Variants in RBPMS observed in about 807,000 individuals in gnomAD.
RBPMS encodes RNA-binding protein with multiple splicing.
RBPMS carries 7 observed loss-of-function variants against 26.8 expected under a neutral mutation model. The ratio of observed to expected loss-of-function variants is 0.26; its 90% CI spans 0.15 to 0.49. The LOEUF (loss-of-function observed/expected upper bound fraction) is 0.49, where lower values mean the gene tolerates loss of function less well. Ranked by LOEUF, RBPMS falls within the 20% of genes least tolerant of loss-of-function variation. The probability of loss-of-function intolerance (pLI) is 0.98; values close to 1 mark genes in which losing one functional copy is unlikely to be tolerated. For missense variants in RBPMS, 186 were observed against 250.0 expected (o/e 0.74, Z 1.73); for synonymous variants, 96 against 93.3 (o/e 1.03, Z -0.17).
At chr8:30,444,353 C>T (rs1168481250) in intron 1 of RBPMS, among the ~76,000 whole-genome samples, 2 of 152,202 alleles carry the variant, frequency 1.3e-5, no homozygotes, top group Non-Finnish European at 2.9e-5. Context: ...AATAGTTTTA[C>T]ATCACTTCAG....
At chr8:30,452,104 G>C (rs1205641670) in intron 1 of RBPMS, among the ~76,000 whole-genome samples, 1 of 152,132 alleles carries the variant, frequency 6.6e-6, no homozygotes, top group South Asian at 2.1e-4. Context: ...GGCTGCATTC[G>C]TGTGTCTGAG....
chr8:30,523,368 C>T (rs1823253927), intron 5 of RBPMS, among the ~76,000 whole-genome samples: 1 of 147,318 alleles, frequency 6.8e-6, no homozygotes, highest in Non-Finnish European at 1.5e-5. Flanking sequence ...GAGAGTGAAA[C>T]TGTGTCTCAA....
intron 4 of RBPMS, among the ~76,000 whole-genome samples, chr8:30,498,035 G>GA (rs1408013824): frequency 2.0e-5 from 3 of 150,264 alleles, no homozygotes; most frequent in Non-Finnish European, 4.4e-5. Flanking sequence ...AGAATCAATT[G>GA]AAGAAGTCTT....
In RBPMS at chr8:30,437,954, G is replaced by A. The variant is rs779091772; in HGVS notation, c.67-36825G>A. 9.0e-4 allele frequency among the ~76,000 whole-genome samples: 137 copies of A among 151,532 alleles called. 1 individual carries two copies. The highest frequency in any genetic ancestry group is 1.3e-3 in the Non-Finnish European group (88 of 67,930). On this transcript the variant is annotated intron_variant, in intron 1 of 8. Transcript: ENST00000397323. ...AGCCTGGGTGACAGAGTGAGACTCC[G>A]TCTCAAAAAAAGAAAAAAAAAAAGT...
intron 1 of RBPMS, among the ~76,000 whole-genome samples, chr8:30,437,167 T>C (rs975156571): frequency 4.0e-5 from 6 of 151,658 alleles, no homozygotes; most frequent in African/African-American, 1.5e-4. Flanking sequence ...ATGATCCGCC[T>C]GCCTCGGCCT....
intron 1 of RBPMS, among the ~76,000 whole-genome samples, chr8:30,415,387 A>C (rs1037074517): frequency 2.6e-5 from 4 of 152,140 alleles, no homozygotes; most frequent in Non-Finnish European, 5.9e-5. Flanking sequence ...TGTCTTCAGG[A>C]GAGCCAGCTA....
intron 4 of RBPMS, among the ~76,000 whole-genome samples, chr8:30,493,379 A>G (rs994623471): frequency 3.1e-4 from 47 of 152,222 alleles, no homozygotes; most frequent in African/African-American, 1.1e-3. Flanking sequence ...CATTATCCTT[A>G]CAGTGAGACA....
rs563475731 is a variant in RBPMS at position 30,425,421 on chromosome 8, A to G, written c.66+40263A>G. 2.6e-4 allele frequency among the ~76,000 whole-genome samples: 40 copies of G among 151,050 alleles called. 1 individual carries two copies. Among genetic ancestry groups the G allele is most frequent in the African/African-American group, 8.7e-4 (36 of 41,156 alleles). ...GTAATTTTAATTTCTTTTTTTTGAA[A>G]TGGAGTTTCGCTCTTGTTGCCCAGG... On this transcript the variant is annotated intron_variant, in intron 1 of 8. Coordinates refer to ENST00000397323, the MANE Select transcript of RBPMS (RefSeq NM_001008710.3).
intron 1 of RBPMS, among the ~76,000 whole-genome samples, chr8:30,435,390 C>T (rs1812345409): frequency 6.6e-6 from 1 of 152,172 alleles, no homozygotes; most frequent in Non-Finnish European, 1.5e-5. Context: ...TCAACCTACA[C>T]TACTTGTGGA....
intron 5 of RBPMS, among the ~76,000 whole-genome samples, chr8:30,532,493 TTTTTA>T (rs1824333053): frequency 6.6e-6 from 1 of 152,178 alleles, no homozygotes; most frequent in Non-Finnish European, 1.5e-5. Flanking sequence ...TAGGTGTTAG[TTTTTA>T]TTTTTATCTG....
At position 30,461,230 on chromosome 8, in the gene RBPMS, T is replaced by A. The variant is rs147205873; in HGVS notation, c.67-13549T>A. Among the ~76,000 whole-genome samples, 11 of 152,296 alleles carry A rather than the reference T, an allele frequency of 7.2e-5. No individual in the cohort carries two copies. In the East Asian group the frequency reaches 2.1e-3, roughly 29 times the overall value. On this transcript the variant is annotated intron_variant, in intron 1 of 8. Transcript: ENST00000397323. ...ACAGGATTATGGCATCATAAAGAAG[T>A]GATTTATATAATCTAAATAGGCCCC...
At chr8:30,386,301 A>T (rs754100689) in intron 1 of RBPMS, among the ~76,000 whole-genome samples, 1 of 152,234 alleles carries the variant, frequency 6.6e-6, no homozygotes, top group Non-Finnish European at 1.5e-5. Context: ...GAATTCATTA[A>T]TACATACAAC....
chr8:30,489,451 CTTTTT>C lies in RBPMS; in HGVS notation c.246+10075_246+10079del, dbSNP rs576604895. Among the ~76,000 whole-genome samples, 201 of 151,678 alleles carry C rather than the reference CTTTTT, an allele frequency of 1.3e-3. 2 individuals are homozygous for C. The highest frequency in any genetic ancestry group is 0.012 in the South Asian group (59 of 4,784). ...GGACTGGTTTTTATTCCTAAAGTCT[CTTTTT>C]CTTTTCTTTTCTTTTTTTCGAGACA... On this transcript the variant is annotated intron_variant, in intron 4 of 8. Transcript: ENST00000397323.
chr8:30,566,599 C>G (rs957629880), intron 8 of RBPMS, among the ~76,000 whole-genome samples: 4 of 152,342 alleles, frequency 2.6e-5, no homozygotes, highest in African/African-American at 9.6e-5. Context: ...TCACCATGTC[C>G]TCCTTAGGTA....
In RBPMS at chr8:30,445,641, T is replaced by C. The variant is rs569660082; in HGVS notation, c.67-29138T>C. On this transcript the variant is annotated intron_variant, in intron 1 of 8. Coordinates refer to ENST00000397323, the MANE Select transcript of RBPMS (RefSeq NM_001008710.3). ...ATGTATACACACACATATGTAGATA[T>C]ACACACGGATATATATATATATATA... Among the ~76,000 whole-genome samples, 92 of 107,278 alleles carry C rather than the reference T, an allele frequency of 8.6e-4. 1 individual carries two copies. The East Asian group carries it at 0.022, about 25-fold the overall frequency. The allele number at this position is 107,278 out of a possible 152,430, so 70.4% of individuals were successfully genotyped here. A position where few individuals can be genotyped will look rare whatever the true frequency, so the allele number is the denominator to read the frequency against.
chr8:30,507,052 G>A (rs745335353), intron 5 of RBPMS, among the ~76,000 whole-genome samples: 25 of 152,122 alleles, frequency 1.6e-4, no homozygotes, highest in Non-Finnish European at 3.1e-4. Flanking sequence ...GATTGACCCC[G>A]AATCAGACTG....
intron 1 of RBPMS, chr8:30,442,896 G>A (rs538380513): frequency 2.6e-5 from 4 of 152,298 alleles, no homozygotes; most frequent in African/African-American, 4.8e-5. Context: ...TGGGGCTTCC[G>A]GGGGAAGGCT....
At chr8:30,533,513 C>T (rs1824461277) in intron 5 of RBPMS, among the ~76,000 whole-genome samples, 1 of 152,166 alleles carries the variant, frequency 6.6e-6, no homozygotes, top group Non-Finnish European at 1.5e-5. Context: ...CCATGGGTGG[C>T]TTTGCTCCTG....
chr8:30,535,270 TTAAC>T (rs1439585600), intron 5 of RBPMS, among the ~76,000 whole-genome samples: 4 of 152,238 alleles, frequency 2.6e-5, no homozygotes, highest in Non-Finnish European at 5.9e-5. Context: ...ATCGTTAATT[TTAAC>T]TAACTTTTCT....
Sources: allele counts gnomAD v4.1 joint callset (sites outside exome capture counted in the v4.1 genomes callset), GRCh38; gene constraint gnomAD v4.1.1; transcripts MANE v1.5; gene names NCBI Gene and HGNC (gene_info 2026-07-23, HGNC 2026-07-21).